Variants in PDE1C observed in about 807,000 individuals in gnomAD.
The protein encoded by PDE1C is phosphodiesterase 1C, also known as dual specificity calcium/calmodulin-dependent 3',5'-cyclic nucleotide phosphodiesterase 1C.
Under a neutral mutation model 93.1 loss-of-function variants are expected in PDE1C, and 62 were observed. The ratio of observed to expected loss-of-function variants is 0.67; its 90% CI spans 0.54 to 0.82. The LOEUF (loss-of-function observed/expected upper bound fraction) is 0.82. Ranked by LOEUF, PDE1C falls within the 40% of genes least tolerant of loss-of-function variation. The pLI, the probability that PDE1C is intolerant of heterozygous loss-of-function variation, is 0.00. For missense variants in PDE1C, 742 were observed against 884.6 expected, an observed-to-expected ratio of 0.84 and a Z score of 2.04; for synonymous variants, 325 against 310.1, an observed-to-expected ratio of 1.05 and a Z score of -0.50.
At chr7:32,007,132 T>C (rs1028953397) in intron 2 of PDE1C, among the ~76,000 whole-genome samples, 4 of 152,248 alleles carry the variant, frequency 2.6e-5, no homozygotes, top group African/African-American at 9.6e-5. Context: ...CTATTTTTTA[T>C]CAAATTAGTT....
intron 1 of PDE1C, among the ~76,000 whole-genome samples, chr7:32,226,899 C>T (rs184317876): frequency 1.1e-4 from 17 of 152,290 alleles, no homozygotes; most frequent in Admixed American, 1.0e-3. Context: ...GCTCTGGGGG[C>T]TCTTTTTATG....
chr7:32,069,115 A>G (rs1795729389), intron 1 of PDE1C, among the ~76,000 whole-genome samples: 1 of 152,216 alleles, frequency 6.6e-6, no homozygotes, highest in African/African-American at 2.4e-5. Context: ...AATGGCAATG[A>G]AGCTCACTTG....
chr7:32,226,388 C>T (rs1470920280), intron 1 of PDE1C, among the ~76,000 whole-genome samples: 1 of 152,214 alleles, frequency 6.6e-6, no homozygotes, highest in African/African-American at 2.4e-5. Flanking sequence ...TTTTATATCT[C>T]AACTAATACA....
intron 3 of PDE1C, among the ~76,000 whole-genome samples, chr7:32,138,347 G>A (rs1800323284): frequency 6.6e-6 from 1 of 152,126 alleles, no homozygotes; most frequent in Non-Finnish European, 1.5e-5. Context: ...AAATAAATGT[G>A]AAAGGGATAT....
At chr7:31,679,452 CAA>C in the PDE1C span, among the ~76,000 whole-genome samples, 1 of 152,294 alleles carries the variant, frequency 6.6e-6, no homozygotes, top group East Asian at 1.9e-4. Flanking sequence ...ACAAAAGAGG[CAA>C]AGTCCTAAAA....
chr7:32,422,987 C>T (rs1466772876), intron 1 of PDE1C, among the ~76,000 whole-genome samples: 3 of 152,198 alleles, frequency 2.0e-5, no homozygotes, highest in Non-Finnish European at 4.4e-5. Context: ...AATATCTACT[C>T]GCCCTCCCAG....
At chr7:32,133,107 T>C (rs1800011350) in intron 3 of PDE1C, among the ~76,000 whole-genome samples, 1 of 152,108 alleles carries the variant, frequency 6.6e-6, no homozygotes, top group Admixed American at 6.6e-5. Context: ...AGTCCAGAAC[T>C]GAAAAGCTAG....
intron 2 of PDE1C, among the ~76,000 whole-genome samples, chr7:31,905,677 T>A (rs1337212954): frequency 6.6e-6 from 1 of 152,164 alleles, no homozygotes; most frequent in Non-Finnish European, 1.5e-5. Flanking sequence ...ATATTTCACT[T>A]TAGACACACT....
Position 31,841,209 on chromosome 7 carries a change from G to GTCTC in PDE1C, c.981-3242_981-3239dup, listed in dbSNP as rs377551907. On this transcript the variant is annotated intron_variant, in intron 9 of 17. Transcript: ENST00000396191. ...TGCTAGTGTCTCTCTCCCTCTCTCT[G>GTCTC]TCTCTCTCTCTCTCTCTCTATATAT... Among the ~76,000 whole-genome samples, 842 of 140,164 alleles carry GTCTC rather than the reference G, an allele frequency of 6.0e-3. 8 individuals carry two copies. The highest frequency in any genetic ancestry group is 0.019 in the African/African-American group (720 of 37,378). 92.0% of individuals were successfully genotyped at this position (140,164 alleles called of 152,430 possible). A position where few individuals can be genotyped will look rare whatever the true frequency, so the allele number is the denominator to read the frequency against.
chr7:31,980,930 C>A (rs1325543671), intron 2 of PDE1C, among the ~76,000 whole-genome samples: 1 of 152,192 alleles, frequency 6.6e-6, no homozygotes, highest in Non-Finnish European at 1.5e-5. Context: ...GGTGGGCCCA[C>A]CCAGATGATC....
the PDE1C span, among the ~76,000 whole-genome samples, chr7:31,726,037 C>T: frequency 2.2e-4 from 34 of 152,266 alleles, no homozygotes; most frequent in South Asian, 8.3e-4. Context: ...TTTGTTTTCA[C>T]GTGACTTTTA....
chr7:32,085,956 C>T (rs962697367), intron 3 of PDE1C, among the ~76,000 whole-genome samples: 1 of 151,012 alleles, frequency 6.6e-6, no homozygotes, highest in Non-Finnish European at 1.5e-5. Context: ...GACAGGGATG[C>T]CCTCTCTCAC....
chr7:31,817,527 T>G (rs1788420897), intron 14 of PDE1C, among the ~76,000 whole-genome samples: 1 of 152,118 alleles, frequency 6.6e-6, no homozygotes, highest in Non-Finnish European at 1.5e-5. Flanking sequence ...AGCCCAATCC[T>G]CCAAGGTTCT....
chr7:32,080,476 G>C (rs567850896), intron 3 of PDE1C, among the ~76,000 whole-genome samples: 1 of 152,312 alleles, frequency 6.6e-6, no homozygotes, highest in East Asian at 1.9e-4. Flanking sequence ...TACTAGACCT[G>C]AAGATGTGGA....
chr7:32,221,891 C>A (rs1806895700), intron 1 of PDE1C, among the ~76,000 whole-genome samples: 3 of 152,156 alleles, frequency 2.0e-5, no homozygotes, highest in Admixed American at 2.0e-4. Context: ...CAGAGCAGAG[C>A]TGAGCTAGAT....
the PDE1C span, chr7:31,695,741 C>A: frequency 1.1e-6 from 1 of 951,024 alleles, no homozygotes; most frequent in Non-Finnish European, 1.6e-6. Flanking sequence ...GCACTCCCCA[C>A]CTCTGTATCT....
chr7:31,693,779 GA>G, the PDE1C span, among the ~76,000 whole-genome samples: 1 of 152,136 alleles, frequency 6.6e-6, no homozygotes, highest in Non-Finnish European at 1.5e-5. Context: ...TTTTTAGTAA[GA>G]AAGAGAGAAA....
the PDE1C span, among the ~76,000 whole-genome samples, chr7:31,639,447 A>G: frequency 2.7e-5 from 4 of 150,842 alleles, 1 homozygote; most frequent in African/African-American, 9.8e-5. Context: ...TTTTTTTTAA[A>G]TATCTTGCAT....
At chr7:32,378,796 C>T (rs1400404094) in intron 1 of PDE1C, among the ~76,000 whole-genome samples, 1 of 152,198 alleles carries the variant, frequency 6.6e-6, no homozygotes, top group Non-Finnish European at 1.5e-5. Context: ...ACCTACACCC[C>T]TTCCCCTTGA....
Sources: gnomAD v4.1 joint callset for allele counts (sites outside exome capture counted in the v4.1 genomes callset) on GRCh38, gnomAD v4.1.1 for gene constraint, MANE v1.5 for transcripts, NCBI Gene and HGNC (gene_info 2026-07-23, HGNC 2026-07-21) for gene names.